IPO9: variants seen among roughly 807,000 people sequenced by gnomAD.
IPO9 encodes importin 9, also known as importin-9.
Under a neutral mutation model 128.6 loss-of-function variants are expected in IPO9, and 28 were observed. That is an observed-to-expected ratio of 0.22 (90% CI 0.16 to 0.30). The LOEUF (loss-of-function observed/expected upper bound fraction) is 0.30. Among genes scored for constraint, IPO9 ranks in the 10% least tolerant of loss-of-function variants. The pLI, the probability that IPO9 is intolerant of heterozygous loss-of-function variation, is 1.00. For synonymous variants in IPO9, 455 were observed against 475.8 expected (o/e 0.96, Z 0.57); for missense variants, 935 against 1,293.9 (o/e 0.72, Z 4.26).
At chr1:201,865,771 T>C (rs891828447) in intron 14 of IPO9, among the ~76,000 whole-genome samples, 16 of 152,206 alleles carry the variant, frequency 1.1e-4, no homozygotes, top group African/African-American at 3.9e-4. Context: ...TTGCTTATCA[T>C]GTCCAATATG....
chr1:201,839,338 T>C (rs1679994198), intron 1 of IPO9, among the ~76,000 whole-genome samples: 1 of 151,276 alleles, frequency 6.6e-6, no homozygotes, highest in Non-Finnish European at 1.5e-5. Context: ...TGCCTCAGCC[T>C]CCCAAGTAGC....
intron 1 of IPO9, among the ~76,000 whole-genome samples, chr1:201,836,815 CAT>C (rs1679950600): frequency 2.6e-5 from 4 of 152,220 alleles, no homozygotes; most frequent in Admixed American, 2.6e-4. Context: ...GGCTTTGAAA[CAT>C]GTGGTCATGT....
chr1:201,872,061 A>G (rs1358405560), intron 19 of IPO9, among the ~76,000 whole-genome samples: 1 of 152,124 alleles, frequency 6.6e-6, no homozygotes, highest in East Asian at 1.9e-4. Context: ...ATGGTGAAAC[A>G]CTGTCTCTAC....
rs577527113 is a variant in IPO9 at position 201,879,240 on chromosome 1, A to G, written c.*3186A>G. ...GACGAGAGTTTAACAGACATTCATTATGGACTTCAGAGAAAATGATGCTAA... is the reference window on the plus strand; with the variant it reads ...GACGAGAGTTTAACAGACATTCATTGTGGACTTCAGAGAAAATGATGCTAA... On this transcript the variant is annotated 3_prime_UTR_variant, in exon 24 of 24. Coordinates refer to ENST00000361565, the MANE Select transcript of IPO9 (RefSeq NM_018085.5). The G allele has an allele frequency of 3.9e-5, 6 of 152,368 alleles. 1 individual carries two copies. In the South Asian group the frequency reaches 1.0e-3, roughly 26 times the overall value. 9.4% of individuals were successfully genotyped at this position (152,368 alleles called of 1,614,324 possible).
At position 201,853,080 on chromosome 1, in the gene IPO9, A is replaced by G. The variant is rs147704344; in HGVS notation, c.673A>G (p.Met225Val). The G allele has an allele frequency of 2.5e-6, 4 of 1,614,012 alleles. No homozygotes were observed. The highest frequency in any genetic ancestry group is 1.7e-6 in the Non-Finnish European group (2 of 1,179,988). Residue 225 changes from methionine to valine, a missense_variant, in exon 6 of 24, where the codon ATG becomes GTG. Around this residue, in one of 3 missense-constraint regions of IPO9, gnomAD observed 741 missense variants for 1,019.1 expected, o/e 0.73. Transcript: ENST00000361565. Reference protein sequence around the residue: ...FTTCAHMICNMEELEKGAAKV... With the variant: ...FTTCAHMICNVEELEKGAAKV... Reference sequence around the variant, plus strand: ...CACTTGTGCCCATATGATCTGTAACATGGAGGAGCTGGAAAAGGTAAGCAG... The same window carrying G: ...CACTTGTGCCCATATGATCTGTAACGTGGAGGAGCTGGAAAAGGTAAGCAG...
At chr1:201,867,093 G>T in intron 15 of IPO9, 134 bp downstream of exon 15, 1 of 724,700 alleles carries the variant, frequency 1.4e-6, no homozygotes, top group Non-Finnish European at 2.3e-6. Context: ...AAAGAATCTG[G>T]CTTTCAATTA....
At chr1:201,836,074 T>A (rs1483311637) in intron 1 of IPO9, among the ~76,000 whole-genome samples, 2 of 125,070 alleles carry the variant, frequency 1.6e-5, no homozygotes, top group African/African-American at 6.2e-5. Context: ...ATCACACCAC[T>A]GCACTCCAGC....
At chr1:201,831,010 T>C (rs1416907767) in intron 1 of IPO9, among the ~76,000 whole-genome samples, 2 of 152,086 alleles carry the variant, frequency 1.3e-5, no homozygotes, top group Admixed American at 1.3e-4. Flanking sequence ...TTTATTCATC[T>C]TTTTTTTCTT....
chr1:201,879,510 CAA>C lies in IPO9; in HGVS notation c.*3457_*3458del, dbSNP rs1313834891. The C allele has an allele frequency of 1.3e-5, 2 of 152,120 alleles. No individual in the cohort carries two copies. The highest frequency in any genetic ancestry group is 4.8e-5 in the African/African-American group (2 of 41,408). The allele number at this position is 152,120 out of a possible 1,614,324, so 9.4% of individuals were successfully genotyped here. The stretch of plus-strand genomic sequence containing the variant: ...ACAAAAGAATTTGAAGCCATTTACA[CAA>C]GAGATAGTACTAGTAAATTAGGAGT... On this transcript the variant is annotated 3_prime_UTR_variant, in exon 24 of 24. Transcript: ENST00000361565.
chr1:201,859,685 C>T (rs192234633), intron 13 of IPO9, among the ~76,000 whole-genome samples: 1 of 152,244 alleles, frequency 6.6e-6, no homozygotes, highest in Admixed American at 6.5e-5. Flanking sequence ...GTAGGCCAGG[C>T]GCGATGGCTC....
chr1:201,853,469 G>A (rs750018109), intron 6 of IPO9, among the ~76,000 whole-genome samples: 7 of 152,106 alleles, frequency 4.6e-5, no homozygotes, highest in Non-Finnish European at 7.3e-5. Flanking sequence ...CTGGGCTCAA[G>A]CAGTCTTCCC....
intron 1 of IPO9, 41 bp downstream of exon 1, chr1:201,829,413 C>T: frequency 2.7e-6 from 4 of 1,505,644 alleles, no homozygotes; most frequent in Non-Finnish European, 3.6e-6. Flanking sequence ...CTCAGCCGCA[C>T]AATCCGCTGA....
chr1:201,836,619 A>G (rs1332062168), intron 1 of IPO9, among the ~76,000 whole-genome samples: 1 of 144,304 alleles, frequency 6.9e-6, no homozygotes, highest in Non-Finnish European at 1.5e-5. Flanking sequence ...AATTATTTAT[A>G]TAGCTTTTAA....
At chr1:201,866,624 A>G (rs1012454202) in intron 14 of IPO9, 109 bp from the exon 15 acceptor site, 8 of 775,864 alleles carry the variant, frequency 1.0e-5, no homozygotes, top group Admixed American at 7.7e-5. Context: ...CTAACTTTAG[A>G]ATTAGCTTTA....
At chr1:201,874,418 A>G (rs769283415) in intron 21 of IPO9, 46 bp downstream of exon 21, 5 of 1,565,242 alleles carry the variant, frequency 3.2e-6, no homozygotes, top group Admixed American at 4.0e-5. Flanking sequence ...CTGGCAGATC[A>G]AGTTACAAAT....
intron 1 of IPO9, among the ~76,000 whole-genome samples, chr1:201,847,031 A>G (rs1035977406): frequency 1.3e-5 from 2 of 152,228 alleles, no homozygotes; most frequent in South Asian, 4.1e-4. Flanking sequence ...GGAAGAGAAG[A>G]TGGCTGGAAG....
In IPO9 at chr1:201,857,103, T is replaced by C. The variant is rs757544202; in HGVS notation, c.1130T>C (p.Val377Ala). The C allele has an allele frequency of 6.2e-7, 1 of 1,601,244 alleles. No homozygotes were observed. The highest frequency in any genetic ancestry group is 2.2e-5 in the East Asian group (1 of 44,800). Residue 377 changes from valine to alanine, a missense_variant, in exon 11 of 24, where the codon GTA becomes GCA. Physicochemically the swap from Val to Ala is moderately conservative, Grantham distance 64. Transcript: ENST00000361565. Reference protein sequence around the residue: ...YMQITEEQIKVWTANPQQFVE... With the variant: ...YMQITEEQIKAWTANPQQFVE... ...ATAACTTGATCTTTTCAGATTAAAG[T>C]ATGGACAGCCAACCCCCAACAATTT...
At position 201,868,810 on chromosome 1, in the gene IPO9, T is replaced by G; in HGVS notation, c.2004+14T>G. Reference sequence around the variant, plus strand: ...GGGCTTTGTGCGGTAAGTGGCCGTGTGTGTGTGTGTGTGTGTGTGAGAGAG... The same window carrying G: ...GGGCTTTGTGCGGTAAGTGGCCGTGGGTGTGTGTGTGTGTGTGTGAGAGAG... On this transcript the variant is annotated intron_variant, in intron 16 of 23. Transcript: ENST00000361565. 3 of 563,538 alleles carry G rather than the reference T, an allele frequency of 5.3e-6. No homozygotes were observed. Among genetic ancestry groups the G allele is most frequent in the African/African-American group, 3.7e-5 (2 of 54,788 alleles). The allele number at this position is 563,538 out of a possible 1,614,324, so 34.9% of individuals were successfully genotyped here.
rs1680298682 is a variant in IPO9 at position 201,854,803 on chromosome 1, C to G, written c.811-20C>G. ...TTATATATCACTCATAACTTGGGTCCTTTTCTCTTAACTTCTTAGGCAGTG... is the reference window on the plus strand; with the variant it reads ...TTATATATCACTCATAACTTGGGTCGTTTTCTCTTAACTTCTTAGGCAGTG... On this transcript the variant is annotated intron_variant, in intron 7 of 23. Coordinates refer to ENST00000361565, the MANE Select transcript of IPO9 (RefSeq NM_018085.5). The G allele has an allele frequency of 3.1e-6, 5 of 1,602,576 alleles. No homozygotes were observed. Among genetic ancestry groups the G allele is most frequent in the African/African-American group, 2.7e-5 (2 of 74,134 alleles).
Sources: gnomAD v4.1 joint callset for allele counts (sites outside exome capture counted in the v4.1 genomes callset) on GRCh38, gnomAD v4.1.1 for gene constraint, gnomAD v4.1.1 regional missense constraint, MANE v1.5 for transcripts, NCBI Gene and HGNC (gene_info 2026-07-23, HGNC 2026-07-21) for gene names.